Variants in TBL1XR1 observed in about 807,000 individuals in gnomAD.
TBL1XR1 encodes the protein TBL1X/Y related 1.
A neutral mutation model predicts 66.9 loss-of-function variants in TBL1XR1; 5 were observed. That is an observed-to-expected ratio of 0.07 (90% CI 0.04 to 0.16). The LOEUF (loss-of-function observed/expected upper bound fraction) is 0.16. TBL1XR1 is among the 10% of genes least tolerant of loss of function. The pLI is 1.00. For synonymous variants in TBL1XR1, 210 were observed against 206.0 expected (o/e 1.02, Z -0.17); for missense variants, 238 against 623.2 (o/e 0.38, Z 6.58).
intron 9 of TBL1XR1, 43 bp downstream of exon 9, chr3:177,047,257 C>A (rs1435222952): frequency 2.1e-6 from 3 of 1,444,768 alleles, no homozygotes; most frequent in Non-Finnish European, 2.8e-6. Flanking sequence ...TTCAATTAAG[C>A]TCTGTAATAC....
chr3:177,131,476 C>A (rs544760538), intron 1 of TBL1XR1: 47 of 674,852 alleles, frequency 7.0e-5, no homozygotes, highest in East Asian at 1.4e-4. Flanking sequence ...CAAAAAAAAA[C>A]TAAATTAAAA....
At chr3:177,025,680 A>G (rs1416827700) in intron 15 of TBL1XR1, among the ~76,000 whole-genome samples, 156 bp from the exon 16 acceptor site, 1 of 152,218 alleles carries the variant, frequency 6.6e-6, no homozygotes, top group African/African-American at 2.4e-5. Context: ...TAACTGACAG[A>G]AATCAGACAG....
intron 14 of TBL1XR1, among the ~76,000 whole-genome samples, chr3:177,031,774 CA>C (rs1462106009): frequency 4.6e-5 from 7 of 150,674 alleles, no homozygotes; most frequent in Non-Finnish European, 1.0e-4. Context: ...TAAAGAAAAA[CA>C]AAAATAAATA....
At chr3:177,120,923 A>G (rs2108755607) in intron 1 of TBL1XR1, 1 of 152,324 alleles carries the variant, frequency 6.6e-6, no homozygotes, top group East Asian at 1.9e-4. Flanking sequence ...ACATGGCCCT[A>G]AAATGTTAAC....
At chr3:177,111,402 A>G (rs1415051529) in intron 1 of TBL1XR1, among the ~76,000 whole-genome samples, 1 of 151,810 alleles carries the variant, frequency 6.6e-6, no homozygotes, top group Non-Finnish European at 1.5e-5. Flanking sequence ...CCTCCCGAGT[A>G]GCTGGGACTA....
chr3:177,117,636 T>A (rs1726461092), intron 1 of TBL1XR1, among the ~76,000 whole-genome samples: 1 of 152,220 alleles, frequency 6.6e-6, no homozygotes, highest in South Asian at 2.1e-4. Flanking sequence ...TTAATATGCA[T>A]CTTTTCTAGT....
At chr3:177,125,686 G>A (rs2108769768) in intron 1 of TBL1XR1, among the ~76,000 whole-genome samples, 1 of 152,226 alleles carries the variant, frequency 6.6e-6, no homozygotes, top group South Asian at 2.1e-4. Context: ...AAAACAGCCA[G>A]TATACTTGAC....
intron 1 of TBL1XR1, among the ~76,000 whole-genome samples, chr3:177,189,452 A>C (rs1735842390): frequency 1.3e-5 from 2 of 151,932 alleles, no homozygotes; most frequent in African/African-American, 4.8e-5. Flanking sequence ...CAAGAGTTCA[A>C]GACCAGCCTA....
intron 2 of TBL1XR1, among the ~76,000 whole-genome samples, chr3:177,079,071 T>C (rs1003917123): frequency 8.5e-5 from 13 of 152,062 alleles, no homozygotes; most frequent in Non-Finnish European, 1.8e-4. Context: ...ATTCGTAGCA[T>C]AGGCTATTTT....
chr3:177,183,891 T>TGGGTTG (rs1323377883), intron 1 of TBL1XR1, among the ~76,000 whole-genome samples: 2 of 151,910 alleles, frequency 1.3e-5, no homozygotes, highest in African/African-American at 4.8e-5. Context: ...TCACCTGAAG[T>TGGGTTG]CAGGAGCTCG....
intron 1 of TBL1XR1, among the ~76,000 whole-genome samples, chr3:177,116,689 T>C (rs958782235): frequency 6.6e-6 from 1 of 152,112 alleles, no homozygotes; most frequent in Non-Finnish European, 1.5e-5. Context: ...AACAAGCTGG[T>C]TATTTAACCT....
intron 2 of TBL1XR1, among the ~76,000 whole-genome samples, chr3:177,077,380 T>G (rs1405424376): frequency 6.6e-6 from 1 of 152,210 alleles, no homozygotes; most frequent in African/African-American, 2.4e-5. Context: ...TTATTTACTT[T>G]AGATCTCACC....
chr3:177,131,551 C>T (rs1056116711), intron 1 of TBL1XR1: 49 of 268,490 alleles, frequency 1.8e-4, no homozygotes, highest in African/African-American at 1.1e-3. Flanking sequence ...CACTCCGTTG[C>T]CCAGGCTGGA....
chr3:177,189,664 A>AAAAAAAATTAAAATTTC (rs57549428), intron 1 of TBL1XR1, among the ~76,000 whole-genome samples: 2 of 141,878 alleles, frequency 1.4e-5, no homozygotes, highest in Non-Finnish European at 3.0e-5. Context: ...AAAAAAAAAA[A>AAAAAAAATTAAAATTTC]AGAAGGATGT....
At chr3:177,034,757 A>C (rs925775713) in intron 12 of TBL1XR1, among the ~76,000 whole-genome samples, 2 of 152,108 alleles carry the variant, frequency 1.3e-5, no homozygotes, top group African/African-American at 4.8e-5. Flanking sequence ...ACTCACAGAG[A>C]ACCGTAAAAA....
chr3:177,072,386 G>C (rs1446521375), intron 2 of TBL1XR1, among the ~76,000 whole-genome samples: 2 of 151,520 alleles, frequency 1.3e-5, no homozygotes, highest in Non-Finnish European at 2.9e-5. Flanking sequence ...GCGATAGTGG[G>C]TAAAACTGCT....
At chr3:177,176,544 G>A (rs1221111505) in intron 1 of TBL1XR1, among the ~76,000 whole-genome samples, 1 of 150,714 alleles carries the variant, frequency 6.6e-6, no homozygotes, top group Non-Finnish European at 1.5e-5. Context: ...TGGGCAAGCT[G>A]GCTCACACCT....
At chr3:177,045,733 G>GTAT (rs751168545) in intron 10 of TBL1XR1, among the ~76,000 whole-genome samples, 10 of 151,730 alleles carry the variant, frequency 6.6e-5, no homozygotes, top group East Asian at 3.9e-4. Flanking sequence ...TAACAAACAG[G>GTAT]TATTATTATT....
intron 12 of TBL1XR1, among the ~76,000 whole-genome samples, chr3:177,036,265 A>G (rs1424984435): frequency 6.6e-6 from 1 of 152,184 alleles, no homozygotes; most frequent in East Asian, 1.9e-4. Flanking sequence ...AAGACCACCT[A>G]TCTGCTGAGA....
Sources: gnomAD v4.1 joint callset for allele counts (sites outside exome capture counted in the v4.1 genomes callset) on GRCh38, gnomAD v4.1.1 for gene constraint, MANE v1.5 for transcripts, NCBI Gene and HGNC (gene_info 2026-07-23, HGNC 2026-07-21) for gene names.